The following AMZ1 variants were observed in gnomAD, a reference collection of about 807,000 sequenced individuals.
The protein encoded by AMZ1 is archaelysin family metallopeptidase 1, also known as archaemetzincin-1.
In AMZ1, 39 loss-of-function variants were observed where a neutral mutation model predicts 29.9. The observed-to-expected ratio is 1.30, with a 90% CI of 1.01 to 1.70. The LOEUF is 1.70. Ranked by LOEUF, AMZ1 falls within the 40% of genes most tolerant of loss-of-function variation. The pLI is 0.00. For synonymous variants in AMZ1, 458 were observed against 304.0 expected (o/e 1.51, Z -5.27); for missense variants, 1,041 against 680.6 (o/e 1.53, Z -5.89).
intron 1 of AMZ1, among the ~76,000 whole-genome samples, chr7:2,697,281 GA>G (rs1252987648): frequency 6.6e-6 from 1 of 152,022 alleles, no homozygotes; most frequent in East Asian, 1.9e-4. Flanking sequence ...ATTTTTAGTA[GA>G]GATGGGGTTT....
At chr7:2,755,455 T>C (rs1358333275) in intron 4 of AMZ1, among the ~76,000 whole-genome samples, 1 of 152,236 alleles carries the variant, frequency 6.6e-6, no homozygotes, top group Non-Finnish European at 1.5e-5. Flanking sequence ...ACAAGTCCTC[T>C]AGATGTTGTG....
chr7:2,727,550 C>G (rs1034358096), intron 4 of AMZ1, among the ~76,000 whole-genome samples: 1 of 152,010 alleles, frequency 6.6e-6, no homozygotes, highest in African/African-American at 2.4e-5. Flanking sequence ...TGATTCTATC[C>G]GTAAAGATGG....
chr7:2,727,141 G>C (rs934694694), intron 4 of AMZ1, among the ~76,000 whole-genome samples: 2 of 152,224 alleles, frequency 1.3e-5, no homozygotes, highest in East Asian at 1.9e-4. Flanking sequence ...GAGTGCAGTG[G>C]CATGATCTCG....
rs1442400437 is a variant in AMZ1 at position 2,719,601 on chromosome 7, AAAAT to A, written c.*6728_*6731del. On this transcript the variant is annotated 3_prime_UTR_variant, in exon 7 of 7. Transcript: ENST00000683327. ...TGACTGATGGACGACTTTGATATAC[AAAAT>A]AAATTGTTACTCAGCTTTTCTATAA... Among the ~76,000 whole-genome samples, 8 of 152,260 alleles carry A rather than the reference AAAAT, an allele frequency of 5.3e-5. No homozygotes were observed. The highest frequency in any genetic ancestry group is 1.9e-4 in the African/African-American group (8 of 41,474).
chr7:2,715,587 T>A lies in AMZ1; in HGVS notation c.*2709T>A, dbSNP rs973604188. The A allele has an allele frequency of 6.6e-6, 1 of 152,234 alleles. No individual in the cohort carries two copies. The highest frequency in any genetic ancestry group is 1.5e-5 in the Non-Finnish European group (1 of 68,040). 9.4% of individuals were successfully genotyped at this position (152,234 alleles called of 1,614,324 possible). On this transcript the variant is annotated 3_prime_UTR_variant, in exon 7 of 7. Transcript: ENST00000683327. ...GAAGGAGCAAACCACTAAAAAAAAC[T>A]CCTTTTATCCGCAGCGTTTACCAAC... is the stretch of plus-strand genomic sequence containing the variant.
upstream of AMZ1, among the ~76,000 whole-genome samples, chr7:2,764,116 G>T (rs1479042688): frequency 6.6e-6 from 1 of 152,098 alleles, no homozygotes; most frequent in Non-Finnish European, 1.5e-5. Flanking sequence ...TGTTGCCCAG[G>T]TTAGGGGGCC....
At chr7:2,721,853 A>AAATC (rs1789435293), downstream of AMZ1, among the ~76,000 whole-genome samples, 1 of 152,248 alleles carries the variant, frequency 6.6e-6, no homozygotes, top group Non-Finnish European at 1.5e-5. Context: ...AGATTTATAA[A>AAATC]AATCATATAT....
intron 4 of AMZ1, among the ~76,000 whole-genome samples, chr7:2,754,389 G>A (rs911900534): frequency 6.6e-6 from 1 of 152,010 alleles, no homozygotes; most frequent in African/African-American, 2.4e-5. Flanking sequence ...GTCCTTTGTC[G>A]GATATGTAGT....
chr7:2,709,876 G>A (rs938175382), intron 6 of AMZ1, 60 bp downstream of exon 6: 9 of 1,585,412 alleles, frequency 5.7e-6, no homozygotes, highest in African/African-American at 2.7e-5. Context: ...GCCCGCGAGC[G>A]CCGCCTGGAG....
chr7:2,734,287 A>C (rs923793102), intron 4 of AMZ1, among the ~76,000 whole-genome samples: 1 of 152,204 alleles, frequency 6.6e-6, no homozygotes, highest in Non-Finnish European at 1.5e-5. Context: ...ACAGGCACGC[A>C]ATGAGTCCCT....
upstream of AMZ1, among the ~76,000 whole-genome samples, chr7:2,761,318 G>A (rs976697062): frequency 7.2e-5 from 11 of 152,210 alleles, no homozygotes; most frequent in Admixed American, 2.6e-4. Flanking sequence ...TCACAGAGCC[G>A]TCTGCTGGCT....
chr7:2,762,870 G>T (rs966864258), upstream of AMZ1: 4 of 1,448,970 alleles, frequency 2.8e-6, no homozygotes, highest in African/African-American at 4.3e-5. Flanking sequence ...CCAGCTCCGA[G>T]CCCTGCTCGT....
intron 3 of AMZ1, among the ~76,000 whole-genome samples, chr7:2,705,592 C>G (rs911982777): frequency 3.3e-5 from 5 of 152,236 alleles, no homozygotes; most frequent in Admixed American, 2.6e-4. Flanking sequence ...CTCTGCCTGT[C>G]TGGCCATCTT....
chr7:2,694,493 T>G (rs1055072880), intron 1 of AMZ1, among the ~76,000 whole-genome samples: 1 of 152,018 alleles, frequency 6.6e-6, no homozygotes, highest in Non-Finnish European at 1.5e-5. Context: ...AGAGATGAGG[T>G]CTATGTTGCC....
intron 4 of AMZ1, among the ~76,000 whole-genome samples, chr7:2,738,074 A>C (rs1394266719): frequency 6.6e-6 from 1 of 152,190 alleles, no homozygotes; most frequent in Non-Finnish European, 1.5e-5. Flanking sequence ...GAAGCTTTTC[A>C]AGTTTTAATT....
chr7:2,709,768 G>C lies in AMZ1; in HGVS notation c.900G>C (p.Leu300=). Residue 300 remains leucine (L), a synonymous_variant, in exon 6 of 7, where the codon CTG becomes CTC. Coordinates refer to ENST00000683327, the MANE Select transcript of AMZ1 (RefSeq NM_001384743.1). The stretch of plus-strand genomic sequence containing the variant: ...CCCTGGACCTCTGTCCCATCTGCCT[G>C]AGGAAGCTGCAGCATGTCCTGGGTT... ...RRPLDLCPIC[L]RKLQHVLGFR... The C allele has an allele frequency of 1.2e-6, 2 of 1,612,046 alleles. No individual in the cohort carries two copies. Among genetic ancestry groups the C allele is most frequent in the Non-Finnish European group, 1.7e-6 (2 of 1,179,882 alleles).
intron 4 of AMZ1, among the ~76,000 whole-genome samples, chr7:2,736,484 G>A (rs933965424): frequency 6.6e-5 from 10 of 152,164 alleles, no homozygotes; most frequent in African/African-American, 9.7e-5. Context: ...GTCCTCTCAC[G>A]AGCAACAGAA....
At chr7:2,702,916 A>G in intron 3 of AMZ1, 27 bp downstream of exon 3, 1 of 1,551,208 alleles carries the variant, frequency 6.4e-7, no homozygotes, top group Non-Finnish European at 8.6e-7. Flanking sequence ...GCCGCCGCTC[A>G]GGCCAAGGCA....
At chr7:2,699,963 C>G (rs982206427) in intron 1 of AMZ1, among the ~76,000 whole-genome samples, 5 of 152,164 alleles carry the variant, frequency 3.3e-5, no homozygotes, top group African/African-American at 1.2e-4. Context: ...ATACCCAGTT[C>G]TGGATGAGGG....
Sources: gnomAD v4.1 joint callset for allele counts (sites outside exome capture counted in the v4.1 genomes callset) on GRCh38, gnomAD v4.1.1 for gene constraint, MANE v1.5 for transcripts, NCBI Gene and HGNC (gene_info 2026-07-23, HGNC 2026-07-21) for gene names.